SETD1B: variants seen among roughly 807,000 people sequenced by gnomAD.
SETD1B encodes histone-lysine N-methyltransferase SETD1B.
In SETD1B, 7 loss-of-function variants were observed where a neutral mutation model predicts 148.0. The ratio of observed to expected loss-of-function variants is 0.05; its 90% CI spans 0.03 to 0.09. The LOEUF (loss-of-function observed/expected upper bound fraction) is 0.09, where lower values mean the gene tolerates loss of function less well. SETD1B is among the 10% of genes least tolerant of loss of function. The probability of loss-of-function intolerance (pLI) is 1.00; values close to 1 mark genes in which losing one functional copy is unlikely to be tolerated. For synonymous variants in SETD1B, 1,361 were observed against 1,186.5 expected, an observed-to-expected ratio of 1.15 and a Z score of -3.02; for missense variants, 2,155 against 2,729.9, an observed-to-expected ratio of 0.79 and a Z score of 4.69.
the SETD1B span, among the ~76,000 whole-genome samples, chr12:121,792,698 G>A: frequency 6.6e-6 from 1 of 152,236 alleles, no homozygotes; most frequent in South Asian, 2.1e-4. Flanking sequence ...ACAGAGCCCT[G>A]GAGCCACAGG....
intron 4 of SETD1B, among the ~76,000 whole-genome samples, chr12:121,807,812 C>T (rs1875823088): frequency 6.7e-6 from 1 of 148,866 alleles, no homozygotes; most frequent in Non-Finnish European, 1.5e-5. Context: ...TTCTGTGTCA[C>T]GGGCTTCCCT....
chr12:121,793,896 C>T, the SETD1B span: 3 of 353,494 alleles, frequency 8.5e-6, no homozygotes, highest in South Asian at 1.6e-4. Flanking sequence ...ACCCCCAACC[C>T]ACCGCCACCC....
rs369952963 is a variant in SETD1B at position 121,812,066 on chromosome 12, G to C, written c.1890+1231G>C. ...GGAGCGAAAGGCAGGCTGAGGCCCC[G>C]GGAGCGAGGGTCTGGGACTGCCCGG... On this transcript the variant is annotated intron_variant, in intron 6 of 16. Transcript: ENST00000604567. Among the ~76,000 whole-genome samples the C allele has an allele frequency of 3.3e-5, 5 of 152,154 alleles. No individual in the cohort carries two copies. The South Asian group carries it at 1.0e-3, about 31-fold the overall frequency.
chr12:121,800,737 G>A (rs1280329103), upstream of SETD1B: 3 of 147,936 alleles, frequency 2.0e-5, no homozygotes, highest in Non-Finnish European at 4.5e-5. Context: ...GCGCCCGGCT[G>A]AGGCGAGCGC....
intron 13 of SETD1B, among the ~76,000 whole-genome samples, chr12:121,826,503 A>AG (rs774999126): frequency 1.7e-4 from 26 of 152,310 alleles, no homozygotes; most frequent in Non-Finnish European, 2.6e-4. Flanking sequence ...GCCCTGAGGC[A>AG]GCAGGGAGCT....
chr12:121,812,045 C>A (rs1184681219), intron 6 of SETD1B, among the ~76,000 whole-genome samples: 2 of 152,176 alleles, frequency 1.3e-5, no homozygotes, highest in African/African-American at 4.8e-5. Flanking sequence ...GTGGCTGGAG[C>A]GAAAGGCAGG....
chr12:121,806,687 G>A (rs969663516), intron 4 of SETD1B, among the ~76,000 whole-genome samples: 5 of 152,188 alleles, frequency 3.3e-5, no homozygotes, highest in Non-Finnish European at 5.9e-5. Flanking sequence ...AGAGGGAAGA[G>A]CCAGGCAGGC....
At chr12:121,823,843 G>A (rs561898629) in intron 12 of SETD1B, 94 bp downstream of exon 12, 24 of 1,443,344 alleles carry the variant, frequency 1.7e-5, no homozygotes, top group Middle Eastern at 2.2e-4. Flanking sequence ...GTAGCAGCCC[G>A]CGGTGCCCAT....
At chr12:121,791,666 G>T in the SETD1B span, among the ~76,000 whole-genome samples, 6 of 152,306 alleles carry the variant, frequency 3.9e-5, no homozygotes, top group East Asian at 1.2e-3. Flanking sequence ...CATGTTCCTT[G>T]AGCATCTCTC....
chr12:121,815,403 C>CG (rs1161363983), intron 7 of SETD1B, among the ~76,000 whole-genome samples: 2 of 151,598 alleles, frequency 1.3e-5, no homozygotes, highest in African/African-American at 4.8e-5. Flanking sequence ...AGACTGCCCC[C>CG]CCCGCCCATT....
intron 12 of SETD1B, among the ~76,000 whole-genome samples, chr12:121,824,283 C>T (rs1876731592): frequency 6.6e-6 from 1 of 152,202 alleles, no homozygotes; most frequent in Non-Finnish European, 1.5e-5. Context: ...TCACATAGGC[C>T]AGTGAGGCTA....
At position 121,819,742 on chromosome 12, in the gene SETD1B, C is replaced by G; in HGVS notation, c.3757C>G (p.Pro1253Ala). The G allele has an allele frequency of 1.3e-6, 2 of 1,551,236 alleles. No individual in the cohort carries two copies. Among genetic ancestry groups the G allele is most frequent in the South Asian group, 2.4e-5 (2 of 84,054 alleles). The change falls in exon 11 of 17, where the codon CCC (proline) becomes GCC (alanine). Residue 1253 changes from proline to alanine, a missense_variant. Physicochemically the swap from Pro to Ala is conservative, Grantham distance 27 (BLOSUM62 -1). Transcript: ENST00000604567. Reference protein sequence around the residue: ...PEERPSMLDEPPLPVGVEEPA... With the variant: ...PEERPSMLDEAPLPVGVEEPA... ...GGAGCGGCCCTCCATGCTGGACGAGCCCCCCTTGCCTGTGGGTGTTGAAGA... is the reference window on the plus strand; with the variant it reads ...GGAGCGGCCCTCCATGCTGGACGAGGCCCCCTTGCCTGTGGGTGTTGAAGA...
At chr12:121,793,643 C>T in the SETD1B span, 2 of 1,527,172 alleles carry the variant, frequency 1.3e-6, no homozygotes, top group African/African-American at 1.4e-5. Context: ...TTGCCCGGAG[C>T]CCGCAGCACT....
intron 12 of SETD1B, among the ~76,000 whole-genome samples, chr12:121,824,385 A>T (rs1353401373): frequency 5.3e-5 from 8 of 152,224 alleles, no homozygotes. Flanking sequence ...CATGGCTCAC[A>T]GCTGTAATCC....
At position 121,825,356 on chromosome 12, in the gene SETD1B, C is replaced by T; in HGVS notation, c.5327C>T (p.Ala1776Val). Residue 1776 changes from alanine to valine, a missense_variant, in exon 13 of 17, where the codon GCA becomes GTA. By Grantham distance (64) the Ala-to-Val change is moderately conservative. Around this residue, in one of 11 missense-constraint regions of SETD1B, gnomAD observed 96 missense variants for 148.7 expected, o/e 0.65. Transcript: ENST00000604567. ...CGTGCCAGCACCGATGAGCCCCCCG[C>T]AGACACCCAGGTACTGCCAGGGCTC... ...SSRASTDEPP[A>V]DTQGMSIPAQ... 1 of 1,549,944 alleles carries T rather than the reference C, an allele frequency of 6.5e-7. No homozygotes were observed. Among genetic ancestry groups the T allele is most frequent in the Non-Finnish European group, 8.7e-7 (1 of 1,147,014 alleles).
At chr12:121,822,421 A>T in intron 11 of SETD1B, 69 bp from the exon 12 acceptor site, 1 of 1,468,488 alleles carries the variant, frequency 6.8e-7, no homozygotes, top group Non-Finnish European at 9.1e-7. Context: ...GGTATGGAGC[A>T]CAAAATAAGG....
intron 13 of SETD1B, among the ~76,000 whole-genome samples, chr12:121,826,808 C>T (rs768200347): frequency 5.3e-5 from 8 of 151,312 alleles, no homozygotes; most frequent in African/African-American, 1.9e-4. Context: ...GGCCTGGGTA[C>T]AGGAGACAGG....
At chr12:121,798,321 T>C in the SETD1B span, among the ~76,000 whole-genome samples, 1 of 152,218 alleles carries the variant, frequency 6.6e-6, no homozygotes, top group African/African-American at 2.4e-5. Flanking sequence ...AGAACCGCGT[T>C]GGCCGCCTTC....
chr12:121,828,776 G>C (rs571333694), intron 16 of SETD1B, among the ~76,000 whole-genome samples: 235 of 152,332 alleles, frequency 1.5e-3, no homozygotes, highest in Non-Finnish European at 2.7e-3. Context: ...GAGTTTCCTT[G>C]TCTGTAAAAC....
Sources: gnomAD v4.1 joint callset for allele counts (sites outside exome capture counted in the v4.1 genomes callset) on GRCh38, gnomAD v4.1.1 for gene constraint, gnomAD v4.1.1 regional missense constraint, MANE v1.5 for transcripts, NCBI Gene and HGNC (gene_info 2026-07-23, HGNC 2026-07-21) for gene names.